The following FGF13 variants were observed in gnomAD, a reference collection of about 807,000 sequenced individuals.
FGF13 encodes fibroblast growth factor 13, also known as fibroblast growth factor homologous factor 2.
In FGF13, 2 loss-of-function variants were observed where a neutral mutation model predicts 19.5. That is an observed-to-expected ratio of 0.10 (90% CI 0.04 to 0.32). FGF13 has a LOEUF of 0.32. Among genes scored for constraint, FGF13 ranks in the 10% least tolerant of loss-of-function variants. The probability of loss-of-function intolerance (pLI) is 1.00; values close to 1 mark genes in which losing one functional copy is unlikely to be tolerated. For synonymous variants in FGF13, 72 were observed against 76.9 expected, an observed-to-expected ratio of 0.94 and a Z score of 0.33; for missense variants, 113 against 192.7, an observed-to-expected ratio of 0.59 and a Z score of 2.45.
chrX:138,751,436 A>G (rs945574308), intron 3 of FGF13, among the ~76,000 whole-genome samples: 2 of 111,167 alleles, frequency 1.8e-5, no homozygotes, highest in Non-Finnish European at 3.8e-5. Flanking sequence ...GGGTAACTCT[A>G]TGTCTCATAG....
intron 1 of FGF13, among the ~76,000 whole-genome samples, chrX:139,166,236 C>G (rs1184565330): frequency 1.8e-5 from 2 of 111,681 alleles, no homozygotes; most frequent in Non-Finnish European, 3.8e-5. Flanking sequence ...GGGGCAGTTA[C>G]CCCTATGCTA....
At chrX:138,915,062 G>C (rs1343045016) in intron 1 of FGF13, among the ~76,000 whole-genome samples, 1 of 111,235 alleles carries the variant, frequency 9.0e-6, no homozygotes, top group South Asian at 3.8e-4. Context: ...GGAGCCCTTA[G>C]CCATGACTGA....
chrX:139,076,866 T>A, intron 1 of FGF13, among the ~76,000 whole-genome samples: 1 of 112,435 alleles, frequency 8.9e-6, no homozygotes, highest in Non-Finnish European at 1.9e-5. Context: ...GCACAAATTA[T>A]GTATCTGAGG....
chrX:138,764,212 G>A (rs928996169), intron 3 of FGF13, among the ~76,000 whole-genome samples: 1 of 111,901 alleles, frequency 8.9e-6, no homozygotes, highest in East Asian at 2.8e-4. Context: ...CTGGGCCATA[G>A]ACTCTTGGCA....
At chrX:138,993,306 T>A (rs2092026701) in intron 1 of FGF13, among the ~76,000 whole-genome samples, 1 of 111,248 alleles carries the variant, frequency 9.0e-6, no homozygotes, top group African/African-American at 3.3e-5. Context: ...TCAATGAGTG[T>A]CTCCTAGTTT....
At chrX:138,865,441 T>TCTCTCTCTC (rs1287099226) in intron 1 of FGF13, among the ~76,000 whole-genome samples, 3 of 102,431 alleles carry the variant, frequency 2.9e-5, no homozygotes, top group Non-Finnish European at 5.8e-5. Flanking sequence ...CTTCTCTCTC[T>TCTCTCTCTC]CTCTCTCTCC....
In FGF13 at chrX:138,618,466, G is replaced by A. The variant is rs1443165960; in HGVS notation, c.*14384C>T. The A allele has an allele frequency of 9.0e-6, 1 of 111,453 alleles. No individual in the cohort carries two copies. The highest frequency in any genetic ancestry group is 1.9e-5 in the Non-Finnish European group (1 of 53,149). 9.2% of individuals were successfully genotyped at this position (111,453 alleles called of 1,213,427 possible). A position where few individuals can be genotyped will look rare whatever the true frequency, so the allele number is the denominator to read the frequency against. On this transcript the variant is annotated 3_prime_UTR_variant, in exon 5 of 5. Transcript: ENST00000315930. ...GGCTGTGAGCAGGGAACAGCGGTAG[G>A]GGCTCACAGCAACCAGAGACTGGAA... is the stretch of plus-strand genomic sequence containing the variant.
intron 1 of FGF13, among the ~76,000 whole-genome samples, chrX:139,005,192 TGC>T (rs2092095518): frequency 8.5e-5 from 1 of 11,739 alleles, no homozygotes; most frequent in Non-Finnish European, 1.7e-4. Context: ...CTTGTGTCAC[TGC>T]CCCCCCCCCC....
chrX:138,803,173 G>C, intron 3 of FGF13, among the ~76,000 whole-genome samples: 1 of 111,708 alleles, frequency 9.0e-6, no homozygotes, highest in Non-Finnish European at 1.9e-5. Flanking sequence ...CTCTTAATTA[G>C]CCTTTCTGCC....
chrX:138,649,068 A>G (rs1363174140), intron 3 of FGF13, among the ~76,000 whole-genome samples: 2 of 111,848 alleles, frequency 1.8e-5, no homozygotes, highest in Admixed American at 1.9e-4. Context: ...TTAAATGTCC[A>G]CAATATATTT....
chrX:139,059,250 G>T (rs997383324), intron 1 of FGF13, among the ~76,000 whole-genome samples: 6 of 110,447 alleles, frequency 5.4e-5, no homozygotes, highest in African/African-American at 2.0e-4. Flanking sequence ...CACAATTTAA[G>T]TTCCTCTGGT....
chrX:138,801,924 C>A (rs2090832801), intron 3 of FGF13, among the ~76,000 whole-genome samples: 1 of 111,319 alleles, frequency 9.0e-6, no homozygotes, highest in African/African-American at 3.3e-5. Context: ...GGTGGATGCC[C>A]CTCCCCCTAC....
intron 1 of FGF13, among the ~76,000 whole-genome samples, chrX:139,177,925 G>A (rs749110102): frequency 7.1e-5 from 8 of 112,236 alleles, no homozygotes; most frequent in East Asian, 2.8e-4. Flanking sequence ...TATCTGGTCC[G>A]GAATGCACTG....
intron 1 of FGF13, among the ~76,000 whole-genome samples, chrX:139,102,529 C>T (rs2083522306): frequency 8.9e-6 from 1 of 112,146 alleles, no homozygotes; most frequent in African/African-American, 3.2e-5. Flanking sequence ...GGAATAACAG[C>T]TCCTACCCTG....
chrX:139,169,173 C>T (rs2084109832), intron 1 of FGF13, among the ~76,000 whole-genome samples: 1 of 112,229 alleles, frequency 8.9e-6, no homozygotes. Flanking sequence ...AGGTCACACA[C>T]CTCATAAGGG....
chrX:139,023,183 A>G (rs1040976956), intron 1 of FGF13, among the ~76,000 whole-genome samples: 3 of 111,134 alleles, frequency 2.7e-5, no homozygotes, highest in Middle Eastern at 4.2e-3. Context: ...TGGGTCATAT[A>G]GTCTCTGTTG....
intron 3 of FGF13, among the ~76,000 whole-genome samples, chrX:138,840,479 C>T (rs984326486): frequency 1.8e-5 from 2 of 111,675 alleles, no homozygotes; most frequent in East Asian, 2.8e-4. Flanking sequence ...CACAACAGGT[C>T]GCCCTGCCAC....
chrX:138,918,791 C>T (rs1274465046), intron 1 of FGF13, among the ~76,000 whole-genome samples: 1 of 111,597 alleles, frequency 9.0e-6, no homozygotes, highest in Non-Finnish European at 1.9e-5. Context: ...TAATGAAAGG[C>T]TTCGCAGAGG....
intron 1 of FGF13, among the ~76,000 whole-genome samples, chrX:139,191,493 T>A (rs773354039): frequency 8.9e-6 from 1 of 112,062 alleles, no homozygotes; most frequent in South Asian, 3.8e-4. Flanking sequence ...GCTCTTGTGA[T>A]ACAAATCAGG....
Sources: allele counts gnomAD v4.1 joint callset (sites outside exome capture counted in the v4.1 genomes callset), GRCh38; gene constraint gnomAD v4.1.1; transcripts MANE v1.5; gene names NCBI Gene and HGNC (gene_info 2026-07-23, HGNC 2026-07-21).